Variants in GSE1 observed in about 807,000 individuals in gnomAD.
The protein encoded by GSE1 is Gse1 coiled-coil protein, also known as genetic suppressor element 1.
GSE1 carries 32 observed loss-of-function variants against 112.6 expected under a neutral mutation model. That is an observed-to-expected ratio of 0.28 (90% CI 0.21 to 0.38). GSE1 has a LOEUF of 0.38. Among genes scored for constraint, GSE1 ranks in the 10% least tolerant of loss-of-function variants. The probability of loss-of-function intolerance (pLI) is 1.00; values close to 1 mark genes in which losing one functional copy is unlikely to be tolerated. For synonymous variants in GSE1, 1,115 were observed against 735.6 expected, an observed-to-expected ratio of 1.52 and a Z score of -8.35; for missense variants, 2,348 against 1,699.2, an observed-to-expected ratio of 1.38 and a Z score of -6.71.
intron 2 of GSE1, among the ~76,000 whole-genome samples, chr16:85,532,738 G>A (rs1012780757): frequency 1.6e-4 from 24 of 152,360 alleles, no homozygotes; most frequent in Middle Eastern, 6.8e-3. Flanking sequence ...TGGAGACTCC[G>A]TCTGCTTTGG....
Position 85,548,858 on chromosome 16 carries a change from C to T in GSE1, c.2465-85056C>T, listed in dbSNP as rs544228755. The stretch of plus-strand genomic sequence containing the variant: ...AGGCTGGAGTGCAGTGGCTCGATCT[C>T]GGCTCACTGCAACCTCCGCCTCCTG... On this transcript the variant is annotated intron_variant, in intron 2 of 2. Transcript: ENST00000637419. 8.1e-4 allele frequency among the ~76,000 whole-genome samples: 123 copies of T among 152,264 alleles called. 1 individual carries two copies. The highest frequency in any genetic ancestry group is 2.9e-3 in the African/African-American group (120 of 41,546).
At chr16:85,214,612 A>G (rs556137200) in intron 1 of GSE1, among the ~76,000 whole-genome samples, 2 of 152,050 alleles carry the variant, frequency 1.3e-5, no homozygotes, top group Admixed American at 6.5e-5. Flanking sequence ...AAGCCACCAG[A>G]TGGTGGTTCT....
chr16:85,185,309 T>G (rs1249035714), intron 1 of GSE1: 3 of 152,294 alleles, frequency 2.0e-5, no homozygotes, highest in African/African-American at 7.2e-5. Flanking sequence ...TCAGCCCAGC[T>G]GCACACAGGT....
chr16:85,500,309 A>T (rs2051317494), intron 2 of GSE1, among the ~76,000 whole-genome samples: 1 of 152,248 alleles, frequency 6.6e-6, no homozygotes, highest in Non-Finnish European at 1.5e-5. Context: ...AGTGATAAAC[A>T]GATCTTTGCA....
chr16:85,399,574 T>C (rs1289161666), intron 2 of GSE1, among the ~76,000 whole-genome samples: 1 of 152,136 alleles, frequency 6.6e-6, no homozygotes, highest in Non-Finnish European at 1.5e-5. Flanking sequence ...ACCGACCAGT[T>C]TCCTAAGCTG....
At chr16:85,670,918 G>T (rs577037474) in intron 14 of GSE1, 77 bp from the exon 15 acceptor site, 14 of 877,074 alleles carry the variant, frequency 1.6e-5, no homozygotes, top group Non-Finnish European at 2.5e-5. Flanking sequence ...GCTGGGCAGG[G>T]TGTGAAGAGG....
In GSE1 at chr16:85,182,108, A is replaced by G. The variant is rs371689760; in HGVS notation, c.2283+10301A>G. Among the ~76,000 whole-genome samples the G allele has an allele frequency of 1.2e-4, 19 of 152,292 alleles. No homozygotes were observed. In the East Asian group the frequency reaches 2.7e-3, roughly 22 times the overall value. ...CCCAGCAAGGCTGTTCACACCAAGCATGGGGGACGCACGGTGGACAGCGAG... is the reference window on the plus strand; with the variant it reads ...CCCAGCAAGGCTGTTCACACCAAGCGTGGGGGACGCACGGTGGACAGCGAG... On this transcript the variant is annotated intron_variant, in intron 1 of 2. Transcript: ENST00000637419.
Position 85,670,993 on chromosome 16 carries a change from A to T in GSE1, c.3416-2A>T. The T allele has an allele frequency of 6.3e-7, 1 of 1,596,740 alleles. No individual in the cohort carries two copies. The highest frequency in any genetic ancestry group is 8.6e-7 in the Non-Finnish European group (1 of 1,164,436). On this transcript the variant is annotated splice_acceptor_variant, in intron 14 of 15. Transcript: ENST00000253458. LOFTEE classifies it high-confidence loss of function. ...ATACATCACCATCTCCTGTCTTTTC[A>T]GAGCAAAATCTGGAGCGGCAGGTGT... is the stretch of plus-strand genomic sequence containing the variant.
At chr16:85,310,022 A>G (rs1404006024) in intron 1 of GSE1, among the ~76,000 whole-genome samples, 1 of 152,246 alleles carries the variant, frequency 6.6e-6, no homozygotes, top group Non-Finnish European at 1.5e-5. Flanking sequence ...GTCTTTGTTA[A>G]TCCAGCGCCT....
chr16:85,420,513 G>T (rs1318086249), intron 2 of GSE1, among the ~76,000 whole-genome samples: 2 of 150,376 alleles, frequency 1.3e-5, no homozygotes, highest in African/African-American at 5.0e-5. Context: ...GGCTTCCAGG[G>T]CCAAGGGGGG....
intron 1 of GSE1, among the ~76,000 whole-genome samples, chr16:85,236,026 C>T (rs1363654408): frequency 6.6e-6 from 1 of 151,442 alleles, no homozygotes; most frequent in African/African-American, 2.4e-5. Context: ...GGGGCTGCGG[C>T]TGGGGCTGGG....
intron 1 of GSE1, among the ~76,000 whole-genome samples, chr16:85,320,424 G>A (rs1423170375): frequency 2.7e-5 from 4 of 145,612 alleles, no homozygotes; most frequent in Non-Finnish European, 6.0e-5. Flanking sequence ...AGACAGGGCC[G>A]CCACCATACC....
At position 85,182,541 on chromosome 16, in the gene GSE1, G is replaced by C. The variant is rs182995761; in HGVS notation, c.2283+10734G>C. On this transcript the variant is annotated intron_variant, in intron 1 of 2. Coordinates refer to the GSE1 transcript ENST00000637419. Reference sequence around the variant, plus strand: ...CCTGATTCGTAAGTGTTTGGGGTCAGTGCAGGGTCTGGTTTTCTGAGCGCC... The same window carrying C: ...CCTGATTCGTAAGTGTTTGGGGTCACTGCAGGGTCTGGTTTTCTGAGCGCC... Among the ~76,000 whole-genome samples, 181 of 152,330 alleles carry C rather than the reference G, an allele frequency of 1.2e-3. 1 individual carries two copies. Among genetic ancestry groups the C allele is most frequent in the African/African-American group, 4.2e-3 (176 of 41,586 alleles).
intron 2 of GSE1, among the ~76,000 whole-genome samples, chr16:85,510,074 G>T (rs2051681359): frequency 6.6e-6 from 1 of 152,192 alleles, no homozygotes; most frequent in Non-Finnish European, 1.5e-5. Context: ...GGGCCCCGGG[G>T]GCCAAGCACC....
At chr16:85,569,650 C>G (rs2151322676) in intron 1 of GSE1, among the ~76,000 whole-genome samples, 1 of 152,336 alleles carries the variant, frequency 6.6e-6, no homozygotes, top group Middle Eastern at 3.4e-3. Flanking sequence ...CGCAGGACCT[C>G]CTGGGACTCC....
At chr16:85,484,257 G>T (rs138557944) in intron 2 of GSE1, among the ~76,000 whole-genome samples, 2 of 152,200 alleles carry the variant, frequency 1.3e-5, no homozygotes, top group African/African-American at 4.8e-5. Context: ...TTTCTCCTCC[G>T]CGGGTCCCCT....
At chr16:85,583,286 GT>G (rs1185225785) in intron 1 of GSE1, 5 of 152,554 alleles carry the variant, frequency 3.3e-5, no homozygotes, top group African/African-American at 1.2e-4. Context: ...CTGGCCATGT[GT>G]GCCCTGTGCC....
At chr16:85,317,647 A>C (rs563307884) in intron 1 of GSE1, among the ~76,000 whole-genome samples, 6 of 152,086 alleles carry the variant, frequency 3.9e-5, no homozygotes, top group African/African-American at 1.4e-4. Flanking sequence ...GTGGGCATCC[A>C]TGCGCCCTGC....
At chr16:85,307,725 C>T (rs1024326041) in intron 1 of GSE1, among the ~76,000 whole-genome samples, 1 of 152,210 alleles carries the variant, frequency 6.6e-6, no homozygotes, top group Admixed American at 6.5e-5. Flanking sequence ...TCCAGCACCT[C>T]CGCACGTCAA....
Sources: allele counts gnomAD v4.1 joint callset (sites outside exome capture counted in the v4.1 genomes callset), GRCh38; gene constraint gnomAD v4.1.1; transcripts MANE v1.5; gene names NCBI Gene and HGNC (gene_info 2026-07-23, HGNC 2026-07-21).